CRPPA: variants seen among roughly 807,000 people sequenced by gnomAD.
The protein encoded by CRPPA is D-ribitol-5-phosphate cytidylyltransferase.
CRPPA carries 43 observed loss-of-function variants against 52.0 expected under a neutral mutation model. That is an observed-to-expected ratio of 0.83 (90% CI 0.65 to 1.07). CRPPA has a LOEUF of 1.07. Among genes scored for constraint, CRPPA ranks in the 50% least tolerant of loss-of-function variants. The pLI is 0.00. For missense variants in CRPPA, 629 were observed against 551.7 expected, an observed-to-expected ratio of 1.14 and a Z score of -1.40; for synonymous variants, 250 against 203.5, an observed-to-expected ratio of 1.23 and a Z score of -1.94.
At chr7:16,359,890 C>T (rs1786397382) in intron 3 of CRPPA, among the ~76,000 whole-genome samples, 1 of 152,150 alleles carries the variant, frequency 6.6e-6, no homozygotes, top group Admixed American at 6.5e-5. Flanking sequence ...CTTTTTACCC[C>T]AGAATCCTAC....
In CRPPA at chr7:16,141,457, T is replaced by G. The variant is rs6967239; in HGVS notation, c.1252-49658A>C. ...ATTAAGATAACAGCTGTTCAGAAAT[T>G]TTGATTTAGTGTTCAACAAAACTAA... On this transcript the variant is annotated intron_variant, in intron 9 of 9. Coordinates refer to ENST00000407010, the MANE Select transcript of CRPPA (RefSeq NM_001101426.4). Among the ~76,000 whole-genome samples, 899 of 152,306 alleles carry G rather than the reference T, an allele frequency of 5.9e-3. 15 individuals carry two copies. Among genetic ancestry groups the G allele is most frequent in the African/African-American group, 0.021 (863 of 41,562 alleles).
intron 3 of CRPPA, among the ~76,000 whole-genome samples, chr7:16,369,025 A>G (rs185381677): frequency 6.6e-6 from 1 of 152,204 alleles, no homozygotes; most frequent in Admixed American, 6.5e-5. Context: ...AACCTAATCC[A>G]TGCCATAAAC....
intron 1 of CRPPA, among the ~76,000 whole-genome samples, chr7:16,419,530 G>T (rs1788277543): frequency 6.6e-6 from 1 of 152,120 alleles, no homozygotes; most frequent in African/African-American, 2.4e-5. Flanking sequence ...CAGTTTAGGG[G>T]TCATGCATCC....
chr7:16,408,032 C>T (rs1225794384), intron 1 of CRPPA, among the ~76,000 whole-genome samples: 1 of 151,266 alleles, frequency 6.6e-6, no homozygotes, highest in Non-Finnish European at 1.5e-5. Flanking sequence ...CACTTGAACC[C>T]AGGAGGCAGA....
intron 3 of CRPPA, among the ~76,000 whole-genome samples, chr7:16,343,870 T>C (rs1391091803): frequency 3.9e-5 from 6 of 152,184 alleles, no homozygotes; most frequent in Admixed American, 2.0e-4. Flanking sequence ...GAGTTATCAA[T>C]AGCACCTCTG....
At chr7:16,321,842 A>T (rs1215972237) in intron 3 of CRPPA, among the ~76,000 whole-genome samples, 1 of 152,178 alleles carries the variant, frequency 6.6e-6, no homozygotes, top group African/African-American at 2.4e-5. Flanking sequence ...CCTTTTCCGA[A>T]GAAAATATTT....
At chr7:16,109,729 C>CA (rs906749763) in intron 9 of CRPPA, among the ~76,000 whole-genome samples, 2 of 151,984 alleles carry the variant, frequency 1.3e-5, no homozygotes, top group Admixed American at 1.3e-4. Flanking sequence ...CATCCAGATG[C>CA]AAAAAAAGCA....
intron 9 of CRPPA, among the ~76,000 whole-genome samples, chr7:16,117,377 G>C (rs922916601): frequency 1.3e-5 from 2 of 152,122 alleles, no homozygotes; most frequent in Non-Finnish European, 2.9e-5. Context: ...CTGGGTAGAC[G>C]AGCCTTCCTT....
intron 3 of CRPPA, among the ~76,000 whole-genome samples, chr7:16,374,006 T>G (rs747245255): frequency 1.3e-5 from 2 of 152,178 alleles, no homozygotes; most frequent in Non-Finnish European, 2.9e-5. Context: ...TTGGTTACAA[T>G]TGCCAGATAT....
chr7:16,322,951 C>G (rs927784052), intron 3 of CRPPA, among the ~76,000 whole-genome samples: 1 of 152,038 alleles, frequency 6.6e-6, no homozygotes, highest in African/African-American at 2.4e-5. Context: ...TGAGAGCAAG[C>G]TGGGGAAATG....
At chr7:16,140,210 T>C (rs1180179638) in intron 9 of CRPPA, among the ~76,000 whole-genome samples, 1 of 152,106 alleles carries the variant, frequency 6.6e-6, no homozygotes, top group African/African-American at 2.4e-5. Flanking sequence ...TGCAGTGGTG[T>C]GATCTCAGTT....
At chr7:16,157,836 T>G (rs1433227617) in intron 9 of CRPPA, among the ~76,000 whole-genome samples, 2 of 152,044 alleles carry the variant, frequency 1.3e-5, no homozygotes, top group African/African-American at 2.4e-5. Flanking sequence ...TCCTGTTGTG[T>G]CACTCTGATT....
At chr7:16,344,697 C>G (rs1303826669) in intron 3 of CRPPA, among the ~76,000 whole-genome samples, 1 of 151,662 alleles carries the variant, frequency 6.6e-6, no homozygotes, top group Admixed American at 6.6e-5. Flanking sequence ...GGTATAAGTT[C>G]TGGAGTCAAA....
intron 3 of CRPPA, among the ~76,000 whole-genome samples, chr7:16,348,999 A>G (rs4615457): frequency 0.11 from 16,425 of 152,238 alleles, 1,108 homozygotes; most frequent in East Asian, 0.36. Context: ...TCCAGCAGCT[A>G]TCTCCCTAGT....
chr7:16,171,908 CA>C (rs1781195042), intron 9 of CRPPA, among the ~76,000 whole-genome samples: 1 of 152,166 alleles, frequency 6.6e-6, no homozygotes, highest in African/African-American at 2.4e-5. Context: ...CCTCTTCGAC[CA>C]ATCTTTTTGA....
At chr7:16,391,118 A>C (rs1468282235) in intron 2 of CRPPA, among the ~76,000 whole-genome samples, 1 of 152,138 alleles carries the variant, frequency 6.6e-6, no homozygotes, top group Non-Finnish European at 1.5e-5. Flanking sequence ...ATTTCCACTT[A>C]GTTCAAAATG....
At chr7:16,255,025 T>C (rs1783597139) in intron 8 of CRPPA, among the ~76,000 whole-genome samples, 5 of 152,124 alleles carry the variant, frequency 3.3e-5, no homozygotes. Context: ...ATGACATGAT[T>C]GTATATTTAG....
intron 8 of CRPPA, among the ~76,000 whole-genome samples, chr7:16,236,724 C>A (rs1782960556): frequency 6.6e-6 from 1 of 151,912 alleles, no homozygotes; most frequent in Non-Finnish European, 1.5e-5. Flanking sequence ...AGGTTTTTTT[C>A]TGTTTTTATT....
At chr7:16,229,537 T>C (rs971732262) in intron 8 of CRPPA, among the ~76,000 whole-genome samples, 1 of 132,656 alleles carries the variant, frequency 7.5e-6, no homozygotes, top group Non-Finnish European at 1.8e-5. Flanking sequence ...ACAAAAACAC[T>C]ACACATTTAC....
Sources: allele counts gnomAD v4.1 joint callset (sites outside exome capture counted in the v4.1 genomes callset), GRCh38; gene constraint gnomAD v4.1.1; transcripts MANE v1.5; gene names NCBI Gene and HGNC (gene_info 2026-07-23, HGNC 2026-07-21).